Variants in GPC6 observed in about 807,000 individuals in gnomAD.
The protein encoded by GPC6 is glypican 6, also known as glypican-6.
In GPC6, 14 loss-of-function variants were observed where a neutral mutation model predicts 55.2. The observed-to-expected ratio is 0.25, with a 90% CI of 0.17 to 0.40. The LOEUF is 0.40. Ranked by LOEUF, GPC6 falls within the 10% of genes least tolerant of loss-of-function variation. The probability of loss-of-function intolerance (pLI) is 1.00; values close to 1 mark genes in which losing one functional copy is unlikely to be tolerated. For missense variants in GPC6, 641 were observed against 708.5 expected (o/e 0.90, Z 1.08); for synonymous variants, 278 against 259.6 (o/e 1.07, Z -0.68).
intron 4 of GPC6, among the ~76,000 whole-genome samples, chr13:94,124,573 A>G (rs1050001972): frequency 6.6e-6 from 1 of 152,036 alleles, no homozygotes; most frequent in Non-Finnish European, 1.5e-5. Context: ...AGAGGTAAAC[A>G]TTGACATTTG....
At chr13:93,422,571 A>G (rs1876961166) in intron 1 of GPC6, among the ~76,000 whole-genome samples, 1 of 152,174 alleles carries the variant, frequency 6.6e-6, no homozygotes. Context: ...GGTTCCTTTC[A>G]GTCTTTTTTC....
At chr13:93,864,476 C>T (rs560508868) in intron 3 of GPC6, among the ~76,000 whole-genome samples, 1 of 151,658 alleles carries the variant, frequency 6.6e-6, no homozygotes, top group African/African-American at 2.4e-5. Context: ...CGCCTTGTGT[C>T]ATTTCTCTGT....
chr13:94,000,435 T>C (rs191574792), intron 3 of GPC6, among the ~76,000 whole-genome samples: 2 of 152,350 alleles, frequency 1.3e-5, no homozygotes, highest in Admixed American at 6.5e-5. Flanking sequence ...CACTGCCATC[T>C]TTCTGTACAA....
intron 4 of GPC6, among the ~76,000 whole-genome samples, chr13:94,204,151 G>A (rs35534470): frequency 0.14 from 21,776 of 151,978 alleles, 1,793 homozygotes; most frequent in Middle Eastern, 0.22. Flanking sequence ...AAAAAAAGAG[G>A]ACAAAGAGTC....
intron 2 of GPC6, among the ~76,000 whole-genome samples, chr13:93,765,278 T>TTTCCAGATAAGCTGTCTGGAAAGACAGC (rs1566524028): frequency 8.9e-6 from 1 of 112,860 alleles, no homozygotes; most frequent in Admixed American, 9.6e-5. Flanking sequence ...GAAAGACAAC[T>TTTCCAGATAAGCTGTCTGGAAAGACAGC]TTCCAGATAA....
chr13:93,439,230 C>T (rs1304149790), intron 1 of GPC6, among the ~76,000 whole-genome samples: 1 of 152,016 alleles, frequency 6.6e-6, no homozygotes, highest in African/African-American at 2.4e-5. Flanking sequence ...ACAATATCTA[C>T]CAGTTATGCC....
chr13:94,380,588 A>C (rs1880113842), intron 6 of GPC6, among the ~76,000 whole-genome samples: 1 of 152,116 alleles, frequency 6.6e-6, no homozygotes, highest in Non-Finnish European at 1.5e-5. Flanking sequence ...CTTGATTATT[A>C]CTGAGCTGTT....
intron 1 of GPC6, among the ~76,000 whole-genome samples, chr13:93,507,061 C>CAAAAA (rs56368708): frequency 5.8e-5 from 3 of 52,132 alleles, no homozygotes; most frequent in African/African-American, 8.2e-5. Flanking sequence ...GACTCCGTCT[C>CAAAAA]AAAAAAAAAA....
rs530785098 is a variant in GPC6 at position 93,816,652 on chromosome 13, A to G, written c.320-13502A>G. On this transcript the variant is annotated intron_variant, in intron 2 of 8. Transcript: ENST00000377047. Reference sequence around the variant, plus strand: ...TTTTTTTCAACTATGAAAATAATTTATAGCCATCTACTTAAATTTTCCATG... The same window carrying G: ...TTTTTTTCAACTATGAAAATAATTTGTAGCCATCTACTTAAATTTTCCATG... Among the ~76,000 whole-genome samples the G allele has an allele frequency of 2.0e-3, 296 of 151,354 alleles. 2 individuals carry two copies. Among genetic ancestry groups the G allele is most frequent in the Non-Finnish European group, 3.7e-3 (253 of 67,874 alleles).
At chr13:93,405,967 T>A (rs1876276342) in intron 1 of GPC6, among the ~76,000 whole-genome samples, 1 of 152,204 alleles carries the variant, frequency 6.6e-6, no homozygotes, top group Non-Finnish European at 1.5e-5. Flanking sequence ...GTGTTGGGTG[T>A]TCAGATGAGG....
chr13:93,500,529 A>T (rs1462840570), intron 1 of GPC6, among the ~76,000 whole-genome samples: 2 of 152,182 alleles, frequency 1.3e-5, no homozygotes, highest in Non-Finnish European at 2.9e-5. Flanking sequence ...CTGCAAAAAA[A>T]ATAATTGCAT....
intron 3 of GPC6, among the ~76,000 whole-genome samples, chr13:93,992,635 G>A (rs1322125246): frequency 6.6e-6 from 1 of 152,100 alleles, no homozygotes; most frequent in Non-Finnish European, 1.5e-5. Flanking sequence ...GATGACAGGG[G>A]CAAATCAATG....
At chr13:93,981,777 A>G (rs1880814687) in intron 3 of GPC6, among the ~76,000 whole-genome samples, 1 of 152,182 alleles carries the variant, frequency 6.6e-6, no homozygotes, top group Non-Finnish European at 1.5e-5. Context: ...GTGTTTGTTA[A>G]TAAATTCAGT....
At chr13:93,588,805 A>G (rs1877328460) in intron 2 of GPC6, among the ~76,000 whole-genome samples, 1 of 152,124 alleles carries the variant, frequency 6.6e-6, no homozygotes, top group Admixed American at 6.5e-5. Context: ...CCAACATTGG[A>G]GATTACATTT....
intron 3 of GPC6, among the ~76,000 whole-genome samples, chr13:93,883,082 A>G (rs1000882118): frequency 1.6e-4 from 24 of 151,254 alleles, no homozygotes; most frequent in African/African-American, 2.2e-4. Flanking sequence ...AAAATTCCCA[A>G]TCTTACTGCA....
At chr13:94,290,260 A>C (rs979182115) in intron 5 of GPC6, among the ~76,000 whole-genome samples, 1 of 151,898 alleles carries the variant, frequency 6.6e-6, no homozygotes, top group East Asian at 1.9e-4. Context: ...CCATCTCTAT[A>C]AAAAATAAAA....
Position 94,316,493 on chromosome 13 carries a change from G to A in GPC6, c.1152+10370G>A, listed in dbSNP as rs368389325. Among the ~76,000 whole-genome samples the A allele has an allele frequency of 2.6e-5, 4 of 152,138 alleles. No individual in the cohort carries two copies. The East Asian group carries it at 5.8e-4, about 22-fold the overall frequency. ...AGCACTTTGGGAGGCCGAGGCGGGC[G>A]GATCACGAGGTCAGGAGATCGAGAC... On this transcript the variant is annotated intron_variant, in intron 6 of 8. Coordinates refer to ENST00000377047, the MANE Select transcript of GPC6 (RefSeq NM_005708.5).
chr13:93,585,317 C>T (rs1044327005), intron 2 of GPC6, among the ~76,000 whole-genome samples: 3 of 152,148 alleles, frequency 2.0e-5, no homozygotes, highest in African/African-American at 7.2e-5. Flanking sequence ...AATGTTTCCT[C>T]ATTCTACCTG....
chr13:93,628,207 C>G lies in GPC6; in HGVS notation c.319+82786C>G, dbSNP rs945810477. Among the ~76,000 whole-genome samples, 3 of 152,172 alleles carry G rather than the reference C, an allele frequency of 2.0e-5. No individual in the cohort carries two copies. In the East Asian group the frequency reaches 5.8e-4, roughly 29 times the overall value. On this transcript the variant is annotated intron_variant, in intron 2 of 8. Transcript: ENST00000377047. ...TTGATCAATTTATTAGTTGTCTGTT[C>G]CTCAGAGCCTCAGCTTGCAGACAGT...
Sources: gnomAD v4.1 joint callset for allele counts (sites outside exome capture counted in the v4.1 genomes callset) on GRCh38, gnomAD v4.1.1 for gene constraint, MANE v1.5 for transcripts, NCBI Gene and HGNC (gene_info 2026-07-23, HGNC 2026-07-21) for gene names.